KRTAP12-1: variants seen among roughly 807,000 people sequenced by gnomAD.
KRTAP12-1 encodes keratin-associated protein 12-1.
For missense variants in KRTAP12-1, 109 were observed against 127.2 expected (o/e 0.86, Z 0.69); for synonymous variants, 56 against 58.8 (o/e 0.95, Z 0.22).
In KRTAP12-1 at chr21:44,682,019, G is replaced by A. The variant is rs56135164; in HGVS notation, c.105C>T (p.Cys35=). Residue 35 remains cysteine, a synonymous_variant, in exon 1 of 1, where the codon TGC becomes TGT. Coordinates refer to ENST00000391617, the MANE Select transcript of KRTAP12-1 (RefSeq NM_181686.2). ...CGGCTGGCTTGAAGCTCACGGGCAC[G>A]CACACGGAGGACTGGCAGCCCACGG... ...YIPVGCQSSV[C]VPVSFKPAVC... is the part of the protein sequence containing the mutation. 91,466 of 1,610,278 alleles carry A rather than the reference G, an allele frequency of 0.057. 2,944 individuals carry two copies. Among genetic ancestry groups the A allele is most frequent in the Middle Eastern group, 0.1 (615 of 6,050 alleles).
rs782024020 is a variant in KRTAP12-1, at chr21:44,682,160, AG to A, written c.-38del. The A allele has an allele frequency of 6.2e-7, 1 of 1,603,320 alleles. No homozygotes were observed. Among genetic ancestry groups the A allele is most frequent in the South Asian group, 1.1e-5 (1 of 89,496 alleles). Reference sequence around the variant, plus strand: ...GCTGGATAAGGTCGAGGCAGAGGGCAGTGATGTCTGGGGATGGCCTCCCTGG... The same window carrying A: ...GCTGGATAAGGTCGAGGCAGAGGGCATGATGTCTGGGGATGGCCTCCCTGG... On this transcript the variant is annotated 5_prime_UTR_variant, in exon 1 of 1. In the 5' UTR this introduces an upstream ATG that the reference lacks. Transcript: ENST00000391617.
chr21:44,681,943 T>C lies in KRTAP12-1; in HGVS notation c.181A>G (p.Arg61Gly), dbSNP rs1555948078. 1 of 1,613,998 alleles carries C rather than the reference T, an allele frequency of 6.2e-7. No individual in the cohort carries two copies. Among genetic ancestry groups the C allele is most frequent in the Non-Finnish European group, 8.5e-7 (1 of 1,180,010 alleles). ...QSSVCVPVSCRPVVYAAPSCQ... is the reference protein window; with the variant it reads ...QSSVCVPVSCGPVVYAAPSCQ... The stretch of plus-strand genomic sequence containing the variant: ...GAGGGAGCCGCATACACGACGGGCC[T>C]GCAGCTCACGGGCACGCACACAGAG... Residue 61 changes from arginine (R) to glycine (G), a missense_variant, in exon 1 of 1, where the codon AGG (arginine) becomes GGG (glycine). Arg to Gly is a moderately radical substitution (Grantham distance 125). Coordinates refer to ENST00000391617, the MANE Select transcript of KRTAP12-1 (RefSeq NM_181686.2).
chr21:44,682,076 C>T lies in KRTAP12-1; in HGVS notation c.48G>A (p.Ala16=), dbSNP rs782395683. Residue 16 remains alanine (A), a synonymous_variant, in exon 1 of 1, where the codon GCG becomes GCA. Coordinates refer to ENST00000391617, the MANE Select transcript of KRTAP12-1 (RefSeq NM_181686.2). The part of the protein sequence containing the change: ...CSSGCQPACC[A]PSPCQASCYI... ...AACAGGATGCCTGGCAGGGGCTGGG[C>T]GCGCAGCAGGCTGGCTGGCAGCCCG... 91 of 1,613,822 alleles carry T rather than the reference C, an allele frequency of 5.6e-5. No homozygotes were observed. The highest frequency in any genetic ancestry group is 8.3e-5 in the Admixed American group (5 of 59,992).
Position 44,681,827 on chromosome 21 carries a change from T to A in KRTAP12-1, c.*6A>T. ...CACTGGGAGCAGCGGGTCTGGAGATTCATGCTCAGCAGCAGGAAGGGGTGC... is the reference window on the plus strand; with the variant it reads ...CACTGGGAGCAGCGGGTCTGGAGATACATGCTCAGCAGCAGGAAGGGGTGC... On this transcript the variant is annotated 3_prime_UTR_variant, in exon 1 of 1. Transcript: ENST00000391617. 1 of 1,604,802 alleles carries A rather than the reference T, an allele frequency of 6.2e-7. No homozygotes were observed.
chr21:44,681,668 C>A lies in KRTAP12-1; in HGVS notation c.*165G>T, dbSNP rs1431403391. 6 of 962,364 alleles carry A rather than the reference C, an allele frequency of 6.2e-6. No homozygotes were observed. In the African/African-American group the frequency reaches 8.2e-5, roughly 13 times the overall value. The allele number at this position is 962,364 out of a possible 1,614,324, so 59.6% of individuals were successfully genotyped here. A position where few individuals can be genotyped will look rare whatever the true frequency, so the allele number is the denominator to read the frequency against. ...CCCTGGGGGGATAGGCAAGTTCAGC[C>A]AGGGCTCCAGATCATTCTATTATAT... On this transcript the variant is annotated 3_prime_UTR_variant, in exon 1 of 1. Transcript: ENST00000391617.
chr21:44,682,043 G>A lies in KRTAP12-1; in HGVS notation c.81C>T (p.Pro27=), dbSNP rs782613822. 1.2e-5 allele frequency: 19 copies of A among 1,613,964 alleles called. No homozygotes were observed. The highest frequency in any genetic ancestry group is 3.3e-5 in the South Asian group (3 of 91,088). The change falls in exon 1 of 1, where the codon CCC becomes CCT. Residue 27 remains proline (P), a synonymous_variant. Coordinates refer to ENST00000391617, the MANE Select transcript of KRTAP12-1 (RefSeq NM_181686.2). ...CGCACACGGAGGACTGGCAGCCCAC[G>A]GGGATGTAACAGGATGCCTGGCAGG... ...PSPCQASCYI[P]VGCQSSVCVP...
rs782578288 is a variant in KRTAP12-1, at chr21:44,682,060, C to T, written c.64G>A (p.Ala22Thr). The change falls in exon 1 of 1, where the codon GCA becomes ACA. Residue 22 changes from alanine (A) to threonine (T), a missense_variant. Transcript: ENST00000391617. ...CAGCCCACGGGGATGTAACAGGATGCCTGGCAGGGGCTGGGCGCGCAGCAG... is the reference window on the plus strand; with the variant it reads ...CAGCCCACGGGGATGTAACAGGATGTCTGGCAGGGGCTGGGCGCGCAGCAG... ...PACCAPSPCQ[A>T]SCYIPVGCQS... is the part of the protein sequence containing the mutation. 5.0e-6 allele frequency: 8 copies of T among 1,613,896 alleles called. No individual in the cohort carries two copies. In the African/African-American group the frequency reaches 8.0e-5, roughly 16 times the overall value.
Position 44,681,847 on chromosome 21 carries a change from G to T in KRTAP12-1, c.277C>A (p.Pro93Thr). 1.2e-6 allele frequency: 2 copies of T among 1,611,458 alleles called. No homozygotes were observed. The highest frequency in any genetic ancestry group is 1.7e-6 in the Non-Finnish European group (2 of 1,178,142). The change falls in exon 1 of 1, where the codon CCT becomes ACT. Residue 93 changes from proline (P) to threonine (T), a missense_variant. Transcript: ENST00000391617. The part of the protein sequence containing the change: ...VLCRPISCST[P>T]SCC The stretch of plus-strand genomic sequence containing the variant: ...GAGATTCATGCTCAGCAGCAGGAAG[G>T]GGTGCTGCAGGAGATGGGTCTGCAG...
In KRTAP12-1 at chr21:44,681,682, A is replaced by C; in HGVS notation, c.*151T>G. 1 of 1,049,500 alleles carries C rather than the reference A, an allele frequency of 9.5e-7. No individual in the cohort carries two copies. Among genetic ancestry groups the C allele is most frequent in the Non-Finnish European group, 1.4e-6 (1 of 738,836 alleles). 65.0% of individuals were successfully genotyped at this position (1,049,500 alleles called of 1,614,324 possible). A position where few individuals can be genotyped will look rare whatever the true frequency, so the allele number is the denominator to read the frequency against. ...GCAAGTTCAGCCAGGGCTCCAGATC[A>C]TTCTATTATATTCTCGATCCAGAAT... is the stretch of plus-strand genomic sequence containing the variant. On this transcript the variant is annotated 3_prime_UTR_variant, in exon 1 of 1. Coordinates refer to ENST00000391617, the MANE Select transcript of KRTAP12-1 (RefSeq NM_181686.2).
rs1555948031 is a variant in KRTAP12-1 at position 44,681,866 on chromosome 21, T to C, written c.258A>G (p.Arg86=). 2 of 1,613,610 alleles carry C rather than the reference T, an allele frequency of 1.2e-6. No homozygotes were observed. The highest frequency in any genetic ancestry group is 1.7e-6 in the Non-Finnish European group (2 of 1,179,834). The change falls in exon 1 of 1, where the codon AGA becomes AGG. Residue 86 remains arginine, a synonymous_variant. Transcript: ENST00000391617. The part of the protein sequence containing the change: ...CQPSCTSVLC[R]PISCSTPSCC ...AGGAAGGGGTGCTGCAGGAGATGGG[T>C]CTGCAGAGGACGCTGGTGCAGGAAG...
In KRTAP12-1 at chr21:44,682,084, A is replaced by C. The variant is rs782057851; in HGVS notation, c.40T>G (p.Cys14Gly). Residue 14 changes from cysteine (C) to glycine (G), a missense_variant, in exon 1 of 1, where the codon TGC becomes GGC. By Grantham distance (159) the Cys-to-Gly change is radical. Coordinates refer to ENST00000391617, the MANE Select transcript of KRTAP12-1 (RefSeq NM_181686.2). The part of the protein sequence containing the change: ...TSCSSGCQPA[C>G]CAPSPCQASC... ...GCCTGGCAGGGGCTGGGCGCGCAGC[A>C]GGCTGGCTGGCAGCCCGAGGAGCAG... 6 of 1,613,928 alleles carry C rather than the reference A, an allele frequency of 3.7e-6. No homozygotes were observed. The highest frequency in any genetic ancestry group is 5.1e-6 in the Non-Finnish European group (6 of 1,179,894).
Position 44,682,007 on chromosome 21 carries a change from G to A in KRTAP12-1, c.117C>T (p.Ser39=), listed in dbSNP as rs782357431. The A allele has an allele frequency of 6.2e-7, 1 of 1,610,280 alleles. No homozygotes were observed. The highest frequency in any genetic ancestry group is 8.5e-7 in the Non-Finnish European group (1 of 1,176,860). The change falls in exon 1 of 1, where the codon AGC becomes AGT. Residue 39 remains serine (S), a synonymous_variant. Transcript: ENST00000391617. ...CGGGCACACACACGGCTGGCTTGAA[G>A]CTCACGGGCACGCACACGGAGGACT... ...GCQSSVCVPV[S]FKPAVCVPVR... is the part of the protein sequence containing the mutation.
rs782019114 is a variant in KRTAP12-1 at position 44,682,016 on chromosome 21, C to T, written c.108G>A (p.Val36=). Reference sequence around the variant, plus strand: ...ACACGGCTGGCTTGAAGCTCACGGGCACGCACACGGAGGACTGGCAGCCCA... The same window carrying T: ...ACACGGCTGGCTTGAAGCTCACGGGTACGCACACGGAGGACTGGCAGCCCA... ...IPVGCQSSVC[V]PVSFKPAVCV... The change falls in exon 1 of 1, where the codon GTG becomes GTA. Residue 36 remains valine (V), a synonymous_variant. Transcript: ENST00000391617. The T allele has an allele frequency of 1.2e-6, 2 of 1,609,398 alleles. No individual in the cohort carries two copies. The highest frequency in any genetic ancestry group is 1.7e-6 in the Non-Finnish European group (2 of 1,176,196).
At position 44,682,090 on chromosome 21, in the gene KRTAP12-1, G is replaced by A; in HGVS notation, c.34C>T (p.Pro12Ser). The change falls in exon 1 of 1, where the codon CCA becomes TCA. Residue 12 changes from proline (P) to serine (S), a missense_variant. Physicochemically the swap from Pro to Ser is moderately conservative, Grantham distance 74 (BLOSUM62 -1). Coordinates refer to ENST00000391617, the MANE Select transcript of KRTAP12-1 (RefSeq NM_181686.2). ...CHTSCSSGCQ[P>S]ACCAPSPCQA... ...CAGGGGCTGGGCGCGCAGCAGGCTG[G>A]CTGGCAGCCCGAGGAGCAGCTGGTG... 6.2e-7 allele frequency: 1 copy of A among 1,613,942 alleles called. No homozygotes were observed. Among genetic ancestry groups the A allele is most frequent in the Non-Finnish European group, 8.5e-7 (1 of 1,179,900 alleles).
Position 44,682,020 on chromosome 21 carries a change from C to T in KRTAP12-1, c.104G>A (p.Cys35Tyr), listed in dbSNP as rs1986623544. The part of the protein sequence containing the change: ...YIPVGCQSSV[C>Y]VPVSFKPAVC... The stretch of plus-strand genomic sequence containing the variant: ...GGCTGGCTTGAAGCTCACGGGCACG[C>T]ACACGGAGGACTGGCAGCCCACGGG... The change falls in exon 1 of 1, where the codon TGC becomes TAC. Residue 35 changes from cysteine (C) to tyrosine (Y), a missense_variant. Physicochemically the swap from Cys to Tyr is radical, Grantham distance 194 (BLOSUM62 -2). Transcript: ENST00000391617. The T allele has an allele frequency of 6.2e-7, 1 of 1,610,074 alleles. No individual in the cohort carries two copies.
At position 44,681,576 on chromosome 21, in the gene KRTAP12-1, T is replaced by G; in HGVS notation, c.*257A>C. ...AAAAAGAGAGACAAGAAACGCAGAG[T>G]TGCATGGGGAAAGCTGGTTTATTTG... On this transcript the variant is annotated 3_prime_UTR_variant, in exon 1 of 1. Coordinates refer to ENST00000391617, the MANE Select transcript of KRTAP12-1 (RefSeq NM_181686.2). 5 of 469,724 alleles carry G rather than the reference T, an allele frequency of 1.1e-5. No homozygotes were observed. Among genetic ancestry groups the G allele is most frequent in the Non-Finnish European group, 1.1e-5 (3 of 267,642 alleles). The allele number at this position is 469,724 out of a possible 1,614,324, so 29.1% of individuals were successfully genotyped here.
In KRTAP12-1 at chr21:44,681,729, C is replaced by T; in HGVS notation, c.*104G>A. On this transcript the variant is annotated 3_prime_UTR_variant, in exon 1 of 1. Transcript: ENST00000391617. ...GAATTCAGAGGGTTCACTGAGCATGCTTTTCACCTGCACCATGTGCAGAAG... is the reference window on the plus strand; with the variant it reads ...GAATTCAGAGGGTTCACTGAGCATGTTTTTCACCTGCACCATGTGCAGAAG... The T allele has an allele frequency of 7.1e-7, 1 of 1,401,900 alleles. No homozygotes were observed. Among genetic ancestry groups the T allele is most frequent in the Non-Finnish European group, 9.7e-7 (1 of 1,029,122 alleles). The allele number at this position is 1,401,900 out of a possible 1,614,324, so 86.8% of individuals were successfully genotyped here.
Position 44,681,968 on chromosome 21 carries a change from G to A in KRTAP12-1, c.156C>T (p.Ser52=). ...PAVCVPVRCQ[S]SVCVPVSCRP... ...TGCAGCTCACGGGCACGCACACAGA[G>A]GACTGGCATCTCACGGGCACACACA... is the stretch of plus-strand genomic sequence containing the variant. The change falls in exon 1 of 1, where the codon TCC becomes TCT. Residue 52 remains serine, a synonymous_variant. Coordinates refer to ENST00000391617, the MANE Select transcript of KRTAP12-1 (RefSeq NM_181686.2). 1 of 1,613,832 alleles carries A rather than the reference G, an allele frequency of 6.2e-7. No individual in the cohort carries two copies.
chr21:44,681,671 G>A lies in KRTAP12-1; in HGVS notation c.*162C>T, dbSNP rs572452701. 4 of 975,940 alleles carry A rather than the reference G, an allele frequency of 4.1e-6. No homozygotes were observed. Among genetic ancestry groups the A allele is most frequent in the South Asian group, 4.3e-5 (2 of 46,322 alleles). The allele number at this position is 975,940 out of a possible 1,614,324, so 60.5% of individuals were successfully genotyped here. A position where few individuals can be genotyped will look rare whatever the true frequency, so the allele number is the denominator to read the frequency against. On this transcript the variant is annotated 3_prime_UTR_variant, in exon 1 of 1. Transcript: ENST00000391617. ...TGGGGGGATAGGCAAGTTCAGCCAGGGCTCCAGATCATTCTATTATATTCT... is the reference window on the plus strand; with the variant it reads ...TGGGGGGATAGGCAAGTTCAGCCAGAGCTCCAGATCATTCTATTATATTCT...
Sources: gnomAD v4.1 joint callset for allele counts on GRCh38, gnomAD v4.1.1 for gene constraint, MANE v1.5 for transcripts, NCBI Gene and HGNC (gene_info 2026-07-23, HGNC 2026-07-21) for gene names.